FBXO36: variants seen among roughly 807,000 people sequenced by gnomAD.
FBXO36 encodes the protein F-box protein 36, also known as F-box only protein 36.
A neutral mutation model predicts 17.0 loss-of-function variants in FBXO36; 18 were observed. The observed-to-expected ratio is 1.06, with a 90% CI of 0.73 to 1.57. The LOEUF (loss-of-function observed/expected upper bound fraction) is 1.57, where lower values mean the gene tolerates loss of function less well. Among genes scored for constraint, FBXO36 ranks in the 40% most tolerant of loss-of-function variants. The probability of loss-of-function intolerance (pLI) is 0.00; values close to 1 mark genes in which losing one functional copy is unlikely to be tolerated. For synonymous variants in FBXO36, 83 were observed against 85.3 expected, an observed-to-expected ratio of 0.97 and a Z score of 0.15; for missense variants, 229 against 221.9, an observed-to-expected ratio of 1.03 and a Z score of -0.20.
chr2:229,980,668 T>C (rs1430988121), intron 2 of FBXO36, among the ~76,000 whole-genome samples: 1 of 151,956 alleles, frequency 6.6e-6, no homozygotes, highest in East Asian at 1.9e-4. Context: ...GGATAACTAC[T>C]TGAGGGGTTC....
intron 1 of FBXO36, chr2:229,932,919 T>C: frequency 3.2e-6 from 1 of 308,568 alleles, no homozygotes; most frequent in South Asian, 2.5e-5. Context: ...AACTAAAAAT[T>C]AGCCGGGCGT....
At chr2:229,984,730 G>T (rs1324957603) in intron 2 of FBXO36, among the ~76,000 whole-genome samples, 1 of 152,076 alleles carries the variant, frequency 6.6e-6, no homozygotes, top group Non-Finnish European at 1.5e-5. Context: ...CATATATTAT[G>T]ATTATTTTTC....
At chr2:229,962,528 A>ATTT (rs1391396653) in intron 1 of FBXO36, among the ~76,000 whole-genome samples, 1 of 148,876 alleles carries the variant, frequency 6.7e-6, no homozygotes, top group Non-Finnish European at 1.5e-5. Flanking sequence ...ATTTTATTTT[A>ATTT]TTTTATTTTA....
At chr2:229,959,339 A>C (rs888736699) in intron 1 of FBXO36, among the ~76,000 whole-genome samples, 1 of 152,086 alleles carries the variant, frequency 6.6e-6, no homozygotes, top group Non-Finnish European at 1.5e-5. Context: ...TCTTTTGGAA[A>C]GATTTTGACC....
At chr2:229,924,769 CT>C (rs796612728) in intron 1 of FBXO36, among the ~76,000 whole-genome samples, 2,112 of 145,276 alleles carry the variant, frequency 0.015, 39 homozygotes, top group African/African-American at 0.048. Flanking sequence ...TCTAACTACT[CT>C]TTTTTTTTTT....
At chr2:229,935,047 C>T (rs1014904166) in intron 1 of FBXO36, among the ~76,000 whole-genome samples, 2 of 152,082 alleles carry the variant, frequency 1.3e-5, no homozygotes, top group African/African-American at 4.8e-5. Flanking sequence ...ATACCTGCAC[C>T]CTCAAATGTG....
At chr2:229,981,021 G>A (rs1276654125) in intron 2 of FBXO36, among the ~76,000 whole-genome samples, 1 of 152,168 alleles carries the variant, frequency 6.6e-6, no homozygotes, top group Non-Finnish European at 1.5e-5. Context: ...TCAGAGGAAG[G>A]AGGAGGGTTC....
intron 2 of FBXO36, among the ~76,000 whole-genome samples, chr2:229,994,051 C>T (rs1490906072): frequency 3.9e-5 from 6 of 152,084 alleles, no homozygotes; most frequent in Non-Finnish European, 7.4e-5. Flanking sequence ...GGATTACAGG[C>T]GTGAGCCACT....
intron 1 of FBXO36, among the ~76,000 whole-genome samples, chr2:229,972,930 C>T (rs1180679633): frequency 8.6e-5 from 13 of 151,544 alleles, no homozygotes; most frequent in African/African-American, 1.2e-4. Context: ...GGCGTGGTGG[C>T]GTGCGCCTGT....
At chr2:229,933,933 G>A (rs192021296) in intron 1 of FBXO36, among the ~76,000 whole-genome samples, 7 of 151,902 alleles carry the variant, frequency 4.6e-5, no homozygotes, top group Non-Finnish European at 1.0e-4. Context: ...TGATCTGCCC[G>A]CTTTGGCCTC....
At position 230,007,845 on chromosome 2, in the gene FBXO36, C is replaced by T. The variant is rs1168753858; in HGVS notation, c.379-2851C>T. Among the ~76,000 whole-genome samples the T allele has an allele frequency of 4.6e-5, 7 of 152,138 alleles. No individual in the cohort carries two copies. In the East Asian group the frequency reaches 7.7e-4, roughly 17 times the overall value. ...TCCTGATGTCAAATAATCCACCCTTCGGCCTCCCAAAGTTCTGGGATTACA... is the reference window on the plus strand; with the variant it reads ...TCCTGATGTCAAATAATCCACCCTTTGGCCTCCCAAAGTTCTGGGATTACA... On this transcript the variant is annotated intron_variant, in intron 3 of 3. Coordinates refer to ENST00000283946, the MANE Select transcript of FBXO36 (RefSeq NM_174899.5).
At chr2:229,971,011 T>C (rs980643578) in intron 1 of FBXO36, among the ~76,000 whole-genome samples, 3 of 152,118 alleles carry the variant, frequency 2.0e-5, no homozygotes, top group Admixed American at 6.6e-5. Context: ...ACACAAAAAT[T>C]GTCAGTTCCT....
At chr2:229,955,897 C>CCTGG (rs1560439564) in intron 1 of FBXO36, among the ~76,000 whole-genome samples, 1 of 152,148 alleles carries the variant, frequency 6.6e-6, no homozygotes, top group Non-Finnish European at 1.5e-5. Flanking sequence ...ACCAAATAGA[C>CCTGG]CTGGATTCAG....
intron 1 of FBXO36, among the ~76,000 whole-genome samples, chr2:229,932,038 C>T (rs895304525): frequency 1.3e-5 from 2 of 151,844 alleles, no homozygotes; most frequent in Admixed American, 6.6e-5. Flanking sequence ...CACTTTAGCC[C>T]CCTGAAAATA....
intron 2 of FBXO36, chr2:229,976,819 TA>T (rs879327470): frequency 1.1e-3 from 156 of 142,676 alleles, no homozygotes; most frequent in Middle Eastern, 3.6e-3. Context: ...AATTCTGTCT[TA>T]AAAAAAAAAA....
At chr2:230,008,321 T>A in intron 3 of FBXO36, among the ~76,000 whole-genome samples, 1 of 152,092 alleles carries the variant, frequency 6.6e-6, no homozygotes. Flanking sequence ...TCTCTTCAAC[T>A]TGACAATTTA....
intron 1 of FBXO36, among the ~76,000 whole-genome samples, chr2:229,955,727 C>T (rs1284965465): frequency 6.6e-6 from 1 of 152,128 alleles, no homozygotes; most frequent in Admixed American, 6.5e-5. Flanking sequence ...AAGTACAAAA[C>T]CCATCTAATT....
intron 1 of FBXO36, chr2:229,973,314 T>A (rs1276222447): frequency 2.0e-5 from 3 of 152,124 alleles, no homozygotes; most frequent in Non-Finnish European, 4.4e-5. Flanking sequence ...ATCTTATTAT[T>A]GTGTTCGCTT....
intron 1 of FBXO36, among the ~76,000 whole-genome samples, chr2:229,938,193 C>A (rs1303710918): frequency 1.4e-5 from 2 of 147,294 alleles, no homozygotes; most frequent in African/African-American, 5.0e-5. Flanking sequence ...CCGCGCCCAA[C>A]CGGATTGGTT....
Sources: allele counts gnomAD v4.1 joint callset (sites outside exome capture counted in the v4.1 genomes callset), GRCh38; gene constraint gnomAD v4.1.1; transcripts MANE v1.5; gene names NCBI Gene and HGNC (gene_info 2026-07-23, HGNC 2026-07-21).